The following URI1 variants were observed in gnomAD, a reference collection of about 807,000 sequenced individuals.
URI1 encodes unconventional prefoldin RPB5 interactor 1.
A neutral mutation model predicts 60.2 loss-of-function variants in URI1; 39 were observed. That is an observed-to-expected ratio of 0.65 (90% CI 0.50 to 0.85). The LOEUF (loss-of-function observed/expected upper bound fraction) is 0.85, where lower values mean the gene tolerates loss of function less well. URI1 is among the 40% of genes least tolerant of loss of function. The pLI is 0.00. For synonymous variants in URI1, 251 were observed against 236.8 expected, an observed-to-expected ratio of 1.06 and a Z score of -0.55; for missense variants, 691 against 665.9, an observed-to-expected ratio of 1.04 and a Z score of -0.42.
chr19:29,929,869 T>C (rs144806546), intron 1 of URI1, among the ~76,000 whole-genome samples: 1 of 151,756 alleles, frequency 6.6e-6, no homozygotes, highest in African/African-American at 2.4e-5. Flanking sequence ...AACCCTTATA[T>C]ATAAGATACA....
chr19:30,001,597 A>C (rs1381054658), intron 4 of URI1, among the ~76,000 whole-genome samples: 4 of 151,880 alleles, frequency 2.6e-5, no homozygotes, highest in Non-Finnish European at 5.9e-5. Context: ...TGTTCTTTTC[A>C]AACTTTTATC....
intron 1 of URI1, among the ~76,000 whole-genome samples, chr19:29,933,185 G>C (rs1384145689): frequency 6.6e-6 from 1 of 152,178 alleles, no homozygotes. Context: ...AGAAGAGTTT[G>C]AGAAGGATTT....
At position 29,935,700 on chromosome 19, in the gene URI1, C is replaced by CTTTTTTTTTTTTTTTTTTTTT. The variant is rs34820413; in HGVS notation, c.63+11960_63+11961insTTTTTTTTTTTTTTTTTTTTT. Among the ~76,000 whole-genome samples, 810 of 131,296 alleles carry CTTTTTTTTTTTTTTTTTTTTT rather than the reference C, an allele frequency of 6.2e-3. 28 individuals carry two copies. The highest frequency in any genetic ancestry group is 0.032 in the East Asian group (125 of 3,892). 86.1% of individuals were successfully genotyped at this position (131,296 alleles called of 152,430 possible). A position where few individuals can be genotyped will look rare whatever the true frequency, so the allele number is the denominator to read the frequency against. On this transcript the variant is annotated intron_variant, in intron 1 of 10. Coordinates refer to the URI1 transcript ENST00000360605. Reference sequence around the variant, plus strand: ...TGGTAGGAAATTCTTGGTTGACAGTCTTTTTTTTTTTTTTCCCCAGGACTT... The same window carrying CTTTTTTTTTTTTTTTTTTTTT: ...TGGTAGGAAATTCTTGGTTGACAGTCTTTTTTTTTTTTTTTTTTTTTTTTTTTTTTTTTTTCCCCAGGACTT...
intron 4 of URI1, among the ~76,000 whole-genome samples, chr19:29,992,391 A>G (rs2055757892): frequency 6.6e-6 from 1 of 152,180 alleles, no homozygotes; most frequent in Admixed American, 6.5e-5. Flanking sequence ...TCTTATAGGC[A>G]GCATGGATCT....
At chr19:29,944,321 A>G (rs768894711) in intron 1 of URI1, among the ~76,000 whole-genome samples, 2 of 151,010 alleles carry the variant, frequency 1.3e-5, no homozygotes, top group Admixed American at 1.3e-4. Flanking sequence ...AAAACTTGGC[A>G]TTTTTTATTC....
At chr19:29,965,930 A>G (rs1161624931) in intron 1 of URI1, among the ~76,000 whole-genome samples, 1 of 152,220 alleles carries the variant, frequency 6.6e-6, no homozygotes, top group African/African-American at 2.4e-5. Context: ...AAGCCTGTGT[A>G]GGAGGAATCT....
At chr19:29,981,316 T>A (rs1039225862) in intron 2 of URI1, among the ~76,000 whole-genome samples, 2 of 152,182 alleles carry the variant, frequency 1.3e-5, no homozygotes, top group Non-Finnish European at 2.9e-5. Flanking sequence ...TCTGTGTATT[T>A]CACCCCTAAA....
intron 4 of URI1, among the ~76,000 whole-genome samples, chr19:30,000,523 T>A (rs889865458): frequency 6.6e-6 from 1 of 152,046 alleles, no homozygotes; most frequent in Non-Finnish European, 1.5e-5. Context: ...TGCTTCTTAT[T>A]GTTAAGTAGA....
rs962636548 is a variant in URI1 at position 30,012,389 on chromosome 19, C to G, written c.1283C>G (p.Ala428Gly). 6.2e-7 allele frequency: 1 copy of G among 1,614,028 alleles called. No homozygotes were observed. Among genetic ancestry groups the G allele is most frequent in the Non-Finnish European group, 8.5e-7 (1 of 1,180,036 alleles). The change falls in exon 10 of 11, where the codon GCT becomes GGT. Residue 428 changes from alanine (A) to glycine (G), a missense_variant. Transcript: ENST00000392271. ...TGTAGCGACACTAGTGAAAGCAGTG[C>G]TGCTGAATTTGATGATAGGCGGGGA... ...SVCSDTSESS[A>G]AEFDDRRGVL...
In URI1 at chr19:30,011,218, C is replaced by T. The variant is rs758579896; in HGVS notation, c.1160C>T (p.Thr387Met). ...GCCCAGGAGCTGCCGACCATCAGGA[C>T]GCCTGCAGACATTTACAGGTGGGAG... ...HSAQELPTIRTPADIYRAFVD... is the reference protein window; with the variant it reads ...HSAQELPTIRMPADIYRAFVD... Residue 387 changes from threonine to methionine, a missense_variant, in exon 9 of 11, where the codon ACG becomes ATG. Transcript: ENST00000392271. The T allele has an allele frequency of 2.3e-5, 37 of 1,608,956 alleles. No individual in the cohort carries two copies. Among genetic ancestry groups the T allele is most frequent in the Non-Finnish European group, 2.9e-5 (34 of 1,178,494 alleles).
chr19:29,980,612 T>TA (rs71333427), intron 2 of URI1, among the ~76,000 whole-genome samples: 2,349 of 73,836 alleles, frequency 0.032, 432 homozygotes, highest in African/African-American at 0.12. Context: ...TTTTTTTTCT[T>TA]AAAAAAAAAA....
intron 10 of URI1, among the ~76,000 whole-genome samples, chr19:30,013,804 G>T (rs113788511): frequency 2.4e-3 from 373 of 152,254 alleles, no homozygotes; most frequent in African/African-American, 8.5e-3. Context: ...TGCTCATCGT[G>T]ATAAAGTGGA....
intron 2 of URI1, among the ~76,000 whole-genome samples, chr19:29,979,731 A>G (rs1055538138): frequency 2.0e-5 from 3 of 147,446 alleles, no homozygotes; most frequent in Non-Finnish European, 4.4e-5. Flanking sequence ...TATAAAGAAC[A>G]TAGATTATTT....
intron 1 of URI1, among the ~76,000 whole-genome samples, chr19:29,964,062 C>T (rs1437156687): frequency 6.6e-6 from 1 of 152,120 alleles, no homozygotes; most frequent in Non-Finnish European, 1.5e-5. Flanking sequence ...TGTCAGACTG[C>T]GCAAGTTCTG....
At chr19:29,959,820 C>G (rs1255602386) in intron 1 of URI1, among the ~76,000 whole-genome samples, 1 of 149,634 alleles carries the variant, frequency 6.7e-6, no homozygotes, top group African/African-American at 2.5e-5. Flanking sequence ...TTCCTCTTTT[C>G]TAAGTCTGCT....
rs965649486 is a variant in URI1, at chr19:29,993,413, G to T, written c.367+6996G>T. On this transcript the variant is annotated intron_variant, in intron 4 of 10. Coordinates refer to ENST00000392271, the MANE Select transcript of URI1 (RefSeq NM_003796.3). Reference sequence around the variant, plus strand: ...GCACGTTACTTAGAAGCCCTGTAATGAAAAATATCCCTTTAGTCTTGTTTA... The same window carrying T: ...GCACGTTACTTAGAAGCCCTGTAATTAAAAATATCCCTTTAGTCTTGTTTA... Among the ~76,000 whole-genome samples the T allele has an allele frequency of 3.3e-5, 5 of 152,292 alleles. No homozygotes were observed. The East Asian group carries it at 9.6e-4, about 29-fold the overall frequency.
At chr19:29,984,836 G>A (rs968203799) in intron 2 of URI1, among the ~76,000 whole-genome samples, 1 of 151,950 alleles carries the variant, frequency 6.6e-6, no homozygotes, top group East Asian at 1.9e-4. Context: ...AAGCTTTTGA[G>A]TGAGGCCAGG....
chr19:29,956,778 G>C (rs146774236), intron 1 of URI1: 13 of 1,597,746 alleles, frequency 8.1e-6, no homozygotes, highest in Non-Finnish European at 1.0e-5. Context: ...CAAATAGTCC[G>C]AACGGTAGCC....
rs756805150 is a variant in URI1, at chr19:29,985,236, A to G, written c.166A>G (p.Asn56Asp). Residue 56 changes from asparagine (N) to aspartate (D), a missense_variant, in exon 3 of 11, where the codon AAT (asparagine) becomes GAT (aspartate). Coordinates refer to ENST00000392271, the MANE Select transcript of URI1 (RefSeq NM_003796.3). ...TTCTGTCAACAGGAAGAAGGTAGAT[A>G]ATGACTATAATGCCCTTCGAGAAAG... ...ERIQHWKKVDNDYNALRERLS... is the reference protein window; with the variant it reads ...ERIQHWKKVDDDYNALRERLS... 2.0e-5 allele frequency: 32 copies of G among 1,601,726 alleles called. No homozygotes were observed. Among genetic ancestry groups the G allele is most frequent in the Non-Finnish European group, 2.6e-5 (31 of 1,173,154 alleles).
Sources: gnomAD v4.1 joint callset for allele counts (sites outside exome capture counted in the v4.1 genomes callset) on GRCh38, gnomAD v4.1.1 for gene constraint, MANE v1.5 for transcripts, NCBI Gene and HGNC (gene_info 2026-07-23, HGNC 2026-07-21) for gene names.